DENND2A: variants seen among roughly 807,000 people sequenced by gnomAD.
The protein encoded by DENND2A is DENN domain containing 2A, also known as DENN domain-containing protein 2A.
Under a neutral mutation model 105.3 loss-of-function variants are expected in DENND2A, and 53 were observed. That is an observed-to-expected ratio of 0.50 (90% CI 0.40 to 0.63). The LOEUF (loss-of-function observed/expected upper bound fraction) is 0.63, where lower values mean the gene tolerates loss of function less well. DENND2A is among the 30% of genes least tolerant of loss of function. DENND2A has a pLI of 0.00. For synonymous variants in DENND2A, 522 were observed against 508.4 expected (o/e 1.03, Z -0.36); for missense variants, 1,138 against 1,279.6 (o/e 0.89, Z 1.69).
At chr7:140,609,694 T>A (rs1799823746) in intron 1 of DENND2A, among the ~76,000 whole-genome samples, 1 of 152,208 alleles carries the variant, frequency 6.6e-6, no homozygotes, top group African/African-American at 2.4e-5. Context: ...CTAACATCTA[T>A]AGCTGATTAT....
At chr7:140,536,291 G>A (rs549639090) in intron 14 of DENND2A, among the ~76,000 whole-genome samples, 1 of 152,076 alleles carries the variant, frequency 6.6e-6, no homozygotes, top group African/African-American at 2.4e-5. Flanking sequence ...GGAGGTGGAG[G>A]TTGCAGTGAG....
chr7:140,636,544 G>C (rs917532333), intron 1 of DENND2A, among the ~76,000 whole-genome samples: 11 of 152,152 alleles, frequency 7.2e-5, no homozygotes, highest in African/African-American at 2.4e-4. Flanking sequence ...CCCGCCCTGT[G>C]ATGGGCTCTC....
intron 1 of DENND2A, among the ~76,000 whole-genome samples, chr7:140,638,595 C>G (rs1419873839): frequency 6.6e-6 from 1 of 152,214 alleles, no homozygotes; most frequent in African/African-American, 2.4e-5. Context: ...ATCCTTCCTT[C>G]CCTGTGCCTC....
At position 140,523,509 on chromosome 7, in the gene DENND2A, G is replaced by T; in HGVS notation, c.2548-85C>A. 1 of 1,150,060 alleles carries T rather than the reference G, an allele frequency of 8.7e-7. No homozygotes were observed. Among genetic ancestry groups the T allele is most frequent in the Non-Finnish European group, 1.3e-6 (1 of 775,014 alleles). 71.2% of individuals were successfully genotyped at this position (1,150,060 alleles called of 1,614,324 possible). A position where few individuals can be genotyped will look rare whatever the true frequency, so the allele number is the denominator to read the frequency against. On this transcript the variant is annotated intron_variant, in intron 16 of 19. Transcript: ENST00000496613. This position sits in a 1 kb window ranked among gnomAD's most constrained non-coding sequence, Gnocchi z 4.5. ...ACACACTGGAGCCACTGCAGGGCAG[G>T]CCTGGCTCAGTCTCCAGTTTCATGG...
At chr7:140,539,365 A>C (rs1461234555) in intron 14 of DENND2A, among the ~76,000 whole-genome samples, 1 of 152,194 alleles carries the variant, frequency 6.6e-6, no homozygotes, top group Admixed American at 6.6e-5. Context: ...CCCTGCTGGA[A>C]GGCCAAAGGC....
chr7:140,601,981 C>G lies in DENND2A; in HGVS notation c.417G>C (p.Trp139Cys), dbSNP rs1342873553. Residue 139 changes from tryptophan to cysteine, a missense_variant, in exon 3 of 20, where the codon TGG (tryptophan) becomes TGC (cysteine). Around this residue, in one of 2 missense-constraint regions of DENND2A, gnomAD observed 511 missense variants for 499.9 expected, o/e 1.02. Coordinates refer to ENST00000496613, the MANE Select transcript of DENND2A (RefSeq NM_015689.5). ...CAAGTCTTGGCTCTCGGCCTCGGCC[C>G]CAGCTAGGATCCACTTCCCGTTCTG... ...SQPEREVDPSWGRGREPRLGK... is the reference protein window; with the variant it reads ...SQPEREVDPSCGRGREPRLGK... The G allele has an allele frequency of 1.2e-6, 2 of 1,614,090 alleles. No individual in the cohort carries two copies. The highest frequency in any genetic ancestry group is 2.7e-5 in the African/African-American group (2 of 74,944).
intron 3 of DENND2A, among the ~76,000 whole-genome samples, chr7:140,592,858 C>T (rs1220459924): frequency 6.6e-6 from 1 of 152,124 alleles, no homozygotes; most frequent in African/African-American, 2.4e-5. Flanking sequence ...CCACCTCAGC[C>T]CCCCAAAGTG....
chr7:140,544,524 T>C lies in DENND2A; in HGVS notation c.2327+94A>G, dbSNP rs773650633. The C allele has an allele frequency of 5.9e-6, 9 of 1,531,290 alleles. No homozygotes were observed. In the African/African-American group the frequency reaches 1.1e-4, roughly 19 times the overall value. 94.9% of individuals were successfully genotyped at this position (1,531,290 alleles called of 1,614,324 possible). ...CCATCCTTATCTCAGAAGGGCTTAC[T>C]CTTCAATGCTAGGCGGTCACCTGCT... is the stretch of plus-strand genomic sequence containing the variant. On this transcript the variant is annotated intron_variant, in intron 14 of 19. Transcript: ENST00000496613.
At position 140,527,413 on chromosome 7, in the gene DENND2A, G is replaced by A. The variant is rs1796098162; in HGVS notation, c.2410C>T (p.Pro804Ser). ...WQHTYIPVLPPAMVDIVCSPT... is the reference protein window; with the variant it reads ...WQHTYIPVLPSAMVDIVCSPT... ...GAGCACACGATGTCGACCATGGCGG[G>A]TGGCAGCACCGGGATGTAGGTGTGC... The change falls in exon 15 of 20, where the codon CCC (proline) becomes TCC (serine). Residue 804 changes from proline to serine, a missense_variant. By Grantham distance (74) the Pro-to-Ser change is moderately conservative (BLOSUM62 -1). This residue lies in a region of DENND2A where 627 missense variants were observed against 779.8 expected (regional missense o/e 0.80). Transcript: ENST00000496613. This position sits in a 1 kb window ranked among gnomAD's most constrained non-coding sequence, Gnocchi z 4.9. 3 of 1,602,726 alleles carry A rather than the reference G, an allele frequency of 1.9e-6. No homozygotes were observed. Among genetic ancestry groups the A allele is most frequent in the African/African-American group, 2.7e-5 (2 of 74,812 alleles).
In DENND2A at chr7:140,544,866, G is replaced by T. The variant is rs955702457; in HGVS notation, c.2179-100C>A. ...CAGGGCTCTGAGGTCCTCATCAGGG[G>T]TGACCCACTGGTGGGGGAAAAGGGA... On this transcript the variant is annotated intron_variant, in intron 13 of 19. Transcript: ENST00000496613. 6.0e-6 allele frequency: 9 copies of T among 1,491,182 alleles called. No individual in the cohort carries two copies. In the African/African-American group the frequency reaches 1.1e-4, roughly 19 times the overall value. The allele number at this position is 1,491,182 out of a possible 1,614,324, so 92.4% of individuals were successfully genotyped here.
intron 12 of DENND2A, 38 bp downstream of exon 12, chr7:140,555,598 T>C (rs755174046): frequency 6.2e-7 from 1 of 1,601,010 alleles, no homozygotes; most frequent in South Asian, 1.1e-5. Context: ...GCCCTCCCGT[T>C]CCTTCCCTTC....
intron 17 of DENND2A, among the ~76,000 whole-genome samples, chr7:140,522,900 G>A (rs1432598758): frequency 4.6e-5 from 7 of 151,674 alleles, no homozygotes; most frequent in Non-Finnish European, 1.0e-4. Flanking sequence ...GAGCTGCTGT[G>A]CCTGGCCACA....
At chr7:140,578,081 A>G (rs757765553) in intron 5 of DENND2A, among the ~76,000 whole-genome samples, 11 of 152,110 alleles carry the variant, frequency 7.2e-5, no homozygotes, top group Non-Finnish European at 1.3e-4. Flanking sequence ...CCCTAATTGT[A>G]TAGATCTCCG....
rs1277236602 is a variant in DENND2A, at chr7:140,525,094, G to A, written c.2547+657C>T. Among the ~76,000 whole-genome samples, 4 of 150,974 alleles carry A rather than the reference G, an allele frequency of 2.6e-5. No homozygotes were observed. The South Asian group carries it at 6.3e-4, about 24-fold the overall frequency. ...TCCAGCTACTGAGGAGACTGAGGTGGGAAGATCACTTGAGGCCAGGAGTTT... is the reference window on the plus strand; with the variant it reads ...TCCAGCTACTGAGGAGACTGAGGTGAGAAGATCACTTGAGGCCAGGAGTTT... On this transcript the variant is annotated intron_variant, in intron 16 of 19. Coordinates refer to ENST00000496613, the MANE Select transcript of DENND2A (RefSeq NM_015689.5).
In DENND2A at chr7:140,525,780, C is replaced by T; in HGVS notation, c.2518G>A (p.Asp840Asn). 1 of 1,604,740 alleles carries T rather than the reference C, an allele frequency of 6.2e-7. No individual in the cohort carries two copies. Among genetic ancestry groups the T allele is most frequent in the Non-Finnish European group, 8.5e-7 (1 of 1,175,374 alleles). ...ELPLEEVLVV[D>N]LVNSRFLRQM... ...CTGAGGAACCGGCTGTTGACGAGGT[C>T]AACCACAAGGACCTATGAGATGAGA... Residue 840 changes from aspartate to asparagine, a missense_variant, in exon 16 of 20, where the codon GAC (aspartate) becomes AAC (asparagine). Physicochemically the swap from Asp to Asn is conservative, Grantham distance 23. Around this residue, in one of 2 missense-constraint regions of DENND2A, gnomAD observed 627 missense variants for 779.8 expected, o/e 0.80. Transcript: ENST00000496613.
intron 8 of DENND2A, 83 bp downstream of exon 8, chr7:140,568,680 G>C (rs1464053986): frequency 1.7e-5 from 24 of 1,423,358 alleles, no homozygotes; most frequent in Non-Finnish European, 2.1e-5. Context: ...GGACGCTTCT[G>C]TCCCTCATAC....
intron 12 of DENND2A, 32 bp from the exon 13 acceptor site, chr7:140,546,971 C>A: frequency 6.3e-7 from 1 of 1,598,552 alleles, no homozygotes; most frequent in South Asian, 1.1e-5. Flanking sequence ...CTTAGCTATT[C>A]CGAAGCCAAA....
At chr7:140,520,953 C>T (rs1209908369) in intron 18 of DENND2A, among the ~76,000 whole-genome samples, 2 of 151,202 alleles carry the variant, frequency 1.3e-5, no homozygotes, top group African/African-American at 2.4e-5. Context: ...CGGCTCACTG[C>T]AACCTCTGCC....
intron 5 of DENND2A, 53 bp from the exon 6 acceptor site, chr7:140,574,061 G>T: frequency 6.3e-7 from 1 of 1,591,092 alleles, no homozygotes. Flanking sequence ...GAGACTGACC[G>T]GGGGATAACT....
Sources: allele counts gnomAD v4.1 joint callset (sites outside exome capture counted in the v4.1 genomes callset), GRCh38; gene constraint gnomAD v4.1.1; regional missense constraint gnomAD v4.1.1; non-coding constraint Gnocchi (gnomAD v3.1); transcripts MANE v1.5; gene names NCBI Gene and HGNC (gene_info 2026-07-23, HGNC 2026-07-21).